VSTM5: variants seen among roughly 807,000 people sequenced by gnomAD.
VSTM5 encodes V-set and transmembrane domain-containing protein 5.
VSTM5 carries 21 observed loss-of-function variants against 20.3 expected under a neutral mutation model. The ratio of observed to expected loss-of-function variants is 1.03; its 90% confidence interval spans 0.73 to 1.49. VSTM5 has a LOEUF of 1.49. Among genes scored for constraint, VSTM5 ranks in the 40% most tolerant of loss-of-function variants. The probability of loss-of-function intolerance (pLI) is 0.00; values close to 1 mark genes in which losing one functional copy is unlikely to be tolerated. For missense variants in VSTM5, 219 were observed against 250.0 expected, an observed-to-expected ratio of 0.88 and a Z score of 0.84; for synonymous variants, 100 against 102.5, an observed-to-expected ratio of 0.98 and a Z score of 0.14.
intron 1 of VSTM5, among the ~76,000 whole-genome samples, chr11:93,829,616 C>G (rs964712187): frequency 6.6e-6 from 1 of 152,142 alleles, no homozygotes; most frequent in African/African-American, 2.4e-5. Flanking sequence ...CAAAGGGGCT[C>G]AATAGGGGAG....
chr11:93,836,864 G>A (rs1222043796), intron 1 of VSTM5, among the ~76,000 whole-genome samples: 1 of 152,086 alleles, frequency 6.6e-6, no homozygotes, highest in Non-Finnish European at 1.5e-5. Flanking sequence ...CCCTTATAGG[G>A]TTGTACATCT....
At chr11:93,845,647 C>T (rs985679505) in intron 1 of VSTM5, among the ~76,000 whole-genome samples, 1 of 152,122 alleles carries the variant, frequency 6.6e-6, no homozygotes, top group African/African-American at 2.4e-5. Context: ...AGGGAAAATC[C>T]AGGTGCAGAG....
chr11:93,833,710 T>C (rs74362910), intron 1 of VSTM5, among the ~76,000 whole-genome samples: 6,291 of 152,298 alleles, frequency 0.041, 409 homozygotes, highest in African/African-American at 0.14. Flanking sequence ...CACACTCTCC[T>C]CTCTCAACAA....
In VSTM5 at chr11:93,820,855, G is replaced by C. The variant is rs957789538; in HGVS notation, c.447C>G (p.Val149=). The change falls in exon 3 of 4, where the codon GTC becomes GTG. Residue 149 remains valine, a synonymous_variant. Transcript: ENST00000409977. ...SEILYEDLHF[V]AVILAFLAAV... ...CAGCGAGAAAAGCAAGGATGACAGC[G>C]ACAAAGTGCAGGTCTTCATAGAGGA... The C allele has an allele frequency of 3.9e-6, 6 of 1,550,576 alleles. No individual in the cohort carries two copies. The highest frequency in any genetic ancestry group is 5.2e-6 in the Non-Finnish European group (6 of 1,146,992).
intron 1 of VSTM5, among the ~76,000 whole-genome samples, chr11:93,829,418 CT>C (rs1055313473): frequency 3.3e-4 from 50 of 152,268 alleles, no homozygotes; most frequent in Admixed American, 2.3e-3. Context: ...ATCCCAGCTA[CT>C]TGGGAGGCTG....
At chr11:93,831,141 C>T (rs1944280397) in intron 1 of VSTM5, among the ~76,000 whole-genome samples, 1 of 151,974 alleles carries the variant, frequency 6.6e-6, no homozygotes, top group African/African-American at 2.4e-5. Flanking sequence ...CTCACAGCAG[C>T]CTCCACCTCC....
chr11:93,847,681 A>G (rs1191354946), intron 1 of VSTM5, among the ~76,000 whole-genome samples: 5 of 152,222 alleles, frequency 3.3e-5, no homozygotes, highest in Non-Finnish European at 7.3e-5. Flanking sequence ...TGGCTAATGT[A>G]CTGGGAAAGG....
intron 1 of VSTM5, among the ~76,000 whole-genome samples, chr11:93,839,812 T>C (rs928835165): frequency 6.6e-6 from 1 of 152,162 alleles, no homozygotes; most frequent in African/African-American, 2.4e-5. Flanking sequence ...TAACCAGAAC[T>C]CAGAACGTGA....
rs994585236 is a variant in VSTM5 at position 93,819,010 on chromosome 11, C to G, written c.*1559G>C. The G allele has an allele frequency of 6.6e-6, 1 of 152,188 alleles. No individual in the cohort carries two copies. The highest frequency in any genetic ancestry group is 6.5e-5 in the Admixed American group (1 of 15,276). The allele number at this position is 152,188 out of a possible 1,614,324, so 9.4% of individuals were successfully genotyped here. On this transcript the variant is annotated 3_prime_UTR_variant, in exon 4 of 4. Transcript: ENST00000409977. ...CAAGCAGTGCCTTGGGAGTCCTGCT[C>G]TGGATACTGAGAGTTCCTGTCTGAA... is the stretch of plus-strand genomic sequence containing the variant.
chr11:93,846,742 T>A (rs1944413220), intron 1 of VSTM5, among the ~76,000 whole-genome samples: 2 of 150,428 alleles, frequency 1.3e-5, no homozygotes, highest in Non-Finnish European at 2.9e-5. Context: ...ACAGAATGAA[T>A]GCATTTTTAA....
intron 1 of VSTM5, among the ~76,000 whole-genome samples, chr11:93,843,407 A>G (rs1944387229): frequency 1.3e-5 from 2 of 152,074 alleles, no homozygotes; most frequent in African/African-American, 4.8e-5. Context: ...GTGACCATTG[A>G]ATCCCCAGGG....
intron 1 of VSTM5, among the ~76,000 whole-genome samples, chr11:93,839,124 C>T (rs1944348049): frequency 6.6e-6 from 1 of 152,256 alleles, no homozygotes; most frequent in South Asian, 2.1e-4. Context: ...GATACCTGAT[C>T]TGAACTGGGC....
chr11:93,833,095 C>T (rs143464340), intron 1 of VSTM5, among the ~76,000 whole-genome samples: 87 of 152,228 alleles, frequency 5.7e-4, no homozygotes, highest in Non-Finnish European at 1.1e-3. Flanking sequence ...AAAATGCACA[C>T]CAGAATTTGA....
intron 1 of VSTM5, chr11:93,822,069 T>G (rs910659773): frequency 6.6e-6 from 1 of 152,116 alleles, no homozygotes; most frequent in African/African-American, 2.4e-5. Flanking sequence ...ATCTACTTTA[T>G]AATTATTATC....
intron 1 of VSTM5, among the ~76,000 whole-genome samples, chr11:93,825,890 G>A (rs1944229953): frequency 6.7e-6 from 1 of 150,242 alleles, no homozygotes; most frequent in Non-Finnish European, 1.5e-5. Context: ...ATGAAATAGA[G>A]ACTAGAAAAA....
chr11:93,841,879 T>C (rs1208977200), intron 1 of VSTM5, among the ~76,000 whole-genome samples: 13 of 152,172 alleles, frequency 8.5e-5, no homozygotes, highest in Non-Finnish European at 5.9e-5. Context: ...GTGAACGGAA[T>C]TGAGGCAGTG....
chr11:93,847,356 C>T (rs1944422284), intron 1 of VSTM5, among the ~76,000 whole-genome samples: 1 of 152,148 alleles, frequency 6.6e-6, no homozygotes, highest in South Asian at 2.1e-4. Context: ...ATACTGGCTC[C>T]CTCCTCATCC....
intron 1 of VSTM5, among the ~76,000 whole-genome samples, chr11:93,822,379 G>A (rs1368763856): frequency 2.0e-5 from 3 of 151,662 alleles, no homozygotes; most frequent in African/African-American, 7.3e-5. Flanking sequence ...AGTGCACCCA[G>A]CCATCTCCTT....
intron 1 of VSTM5, among the ~76,000 whole-genome samples, chr11:93,837,266 G>C (rs547429668): frequency 6.6e-6 from 1 of 151,984 alleles, no homozygotes; most frequent in Non-Finnish European, 1.5e-5. Flanking sequence ...TCCTGACCTC[G>C]GGTGATCTGC....
Sources: allele counts gnomAD v4.1 joint callset (sites outside exome capture counted in the v4.1 genomes callset), GRCh38; gene constraint gnomAD v4.1.1; transcripts MANE v1.5; gene names NCBI Gene and HGNC (gene_info 2026-07-23, HGNC 2026-07-21).